C5: variants seen among roughly 807,000 people sequenced by gnomAD.
The protein encoded by C5 is complement C5.
A neutral mutation model predicts 218.8 loss-of-function variants in C5; 140 were observed. The ratio of observed to expected loss-of-function variants is 0.64; its 90% confidence interval spans 0.56 to 0.74. C5 has a LOEUF of 0.74. Among genes scored for constraint, C5 ranks in the 30% least tolerant of loss-of-function variants. The pLI is 0.00. For synonymous variants in C5, 614 were observed against 682.3 expected (o/e 0.90, Z 1.56); for missense variants, 1,700 against 1,969.6 (o/e 0.86, Z 2.59).
chr9:121,018,796 A>G (rs1220450828), intron 12 of C5, among the ~76,000 whole-genome samples: 1 of 150,074 alleles, frequency 6.7e-6, no homozygotes, highest in Non-Finnish European at 1.5e-5. Context: ...GAAGGAAGGA[A>G]GGAAGAAAGA....
intron 34 of C5, 82 bp downstream of exon 34, chr9:120,963,554 T>A: frequency 1.9e-6 from 2 of 1,060,348 alleles, no homozygotes; most frequent in Non-Finnish European, 2.9e-6. Context: ...TATATTCAAA[T>A]GAAAGAAAGT....
At position 121,041,570 on chromosome 9, in the gene C5, TG is replaced by T. The variant is rs543161919; in HGVS notation, c.421+1433del. Among the ~76,000 whole-genome samples, 122 of 152,194 alleles carry T rather than the reference TG, an allele frequency of 8.0e-4. No homozygotes were observed. The Middle Eastern group carries it at 0.014, about 17-fold the overall frequency. ...CCCCCACCTCGGACTCCCAAAATGC[TG>T]GGATTACAGGCATGAGACATGAAGC... On this transcript the variant is annotated intron_variant, in intron 3 of 40. Transcript: ENST00000223642.
In C5 at chr9:121,050,133, C is replaced by T. The variant is rs371724675; in HGVS notation, c.65+49G>A. 3.0e-5 allele frequency: 41 copies of T among 1,388,112 alleles called. No homozygotes were observed. In the East Asian group the frequency reaches 3.7e-4, roughly 12 times the overall value. The allele number at this position is 1,388,112 out of a possible 1,614,324, so 86.0% of individuals were successfully genotyped here. On this transcript the variant is annotated intron_variant, in intron 1 of 40. Transcript: ENST00000223642. ...AATCTGTTAAATTTAACTCTTCATT[C>T]GTCATAACTAAGATGCATTGAAAAA...
intron 21 of C5, 72 bp downstream of exon 21, chr9:120,997,475 C>T: frequency 1.1e-5 from 12 of 1,112,928 alleles, no homozygotes; most frequent in Non-Finnish European, 1.6e-5. Context: ...ACTATTGTTT[C>T]TCTCCCCCCC....
At chr9:120,996,144 C>G in intron 22 of C5, 96 bp downstream of exon 22, 1 of 983,816 alleles carries the variant, frequency 1.0e-6, no homozygotes, top group Non-Finnish European at 1.6e-6. Context: ...TGATTTTAGA[C>G]AATTCACTTT....
rs570464777 is a variant in C5, at chr9:121,031,414, C to T, written c.667+699G>A. ...GTTTTGTCACTAATTGGTTTTAAGA[C>T]TCAAGTAAATCATTTATTGGTTTTA... On this transcript the variant is annotated intron_variant, in intron 6 of 40. Coordinates refer to ENST00000223642, the MANE Select transcript of C5 (RefSeq NM_001735.3). Among the ~76,000 whole-genome samples the T allele has an allele frequency of 3.1e-4, 47 of 152,236 alleles. 1 individual carries two copies. Among genetic ancestry groups the T allele is most frequent in the South Asian group, 6.2e-4 (3 of 4,826 alleles).
In C5 at chr9:121,046,815, T is replaced by C. The variant is rs542336758; in HGVS notation, c.66-432A>G. 2.6e-5 allele frequency among the ~76,000 whole-genome samples: 4 copies of C among 151,910 alleles called. No individual in the cohort carries two copies. In the South Asian group the frequency reaches 8.3e-4, roughly 32 times the overall value. ...TTTCTGAGGCTAAAATAACTTACTG[T>C]GAAAATAATCGCCTTCTTTACCAGG... On this transcript the variant is annotated intron_variant, in intron 1 of 40. Coordinates refer to ENST00000223642, the MANE Select transcript of C5 (RefSeq NM_001735.3).
At chr9:120,963,615 G>T (rs747285834) in intron 34 of C5, 21 bp downstream of exon 34, 4 of 1,524,482 alleles carry the variant, frequency 2.6e-6, no homozygotes, top group Middle Eastern at 1.7e-4. Context: ...TTCACAACAC[G>T]ATTTAAAAGA....
chr9:120,989,341 T>A (rs905671016), intron 24 of C5, among the ~76,000 whole-genome samples: 1 of 152,156 alleles, frequency 6.6e-6, no homozygotes, highest in African/African-American at 2.4e-5. Context: ...GAAGGAAGTG[T>A]TCTGTAGTTT....
chr9:121,047,031 G>C (rs566893457), intron 1 of C5, among the ~76,000 whole-genome samples: 2 of 152,244 alleles, frequency 1.3e-5, no homozygotes, highest in Admixed American at 1.3e-4. Context: ...TTTGGAAATG[G>C]AAATAGTGAT....
rs148636828 is a variant in C5, at chr9:120,963,712, G to A, written c.4247C>T (p.Ser1416Leu). The A allele has an allele frequency of 4.8e-5, 77 of 1,613,538 alleles. No individual in the cohort carries two copies. In the African/African-American group the frequency reaches 6.5e-4, roughly 14 times the overall value. Residue 1416 changes from serine to leucine, a missense_variant, in exon 34 of 41, where the codon TCA (serine) becomes TTA (leucine). Transcript: ENST00000223642. ...CATCACCGCATGAGAGGATCCAGATGATGATTCTTCCCTGCTGGGCTTGTA... is the reference window on the plus strand; with the variant it reads ...CATCACCGCATGAGAGGATCCAGATAATGATTCTTCCCTGCTGGGCTTGTA... The part of the protein sequence containing the change: ...ASYKPSREES[S>L]SGSSHAVMDI...
intron 16 of C5, among the ~76,000 whole-genome samples, chr9:121,014,367 T>C (rs533461763): frequency 1.3e-5 from 2 of 152,166 alleles, no homozygotes; most frequent in Admixed American, 1.3e-4. Flanking sequence ...TGCAGAAAAA[T>C]ATAGAAAAAG....
At chr9:121,003,108 T>G (rs577222855) in intron 20 of C5, among the ~76,000 whole-genome samples, 491 of 152,212 alleles carry the variant, frequency 3.2e-3, no homozygotes, top group African/African-American at 0.011. Flanking sequence ...CTGGACCACA[T>G]GGTGAAACCC....
chr9:121,037,489 T>C (rs1472191757), intron 4 of C5, among the ~76,000 whole-genome samples: 1 of 151,924 alleles, frequency 6.6e-6, no homozygotes, highest in Admixed American at 6.6e-5. Context: ...ATTTTTTGTA[T>C]TTTAGTAGAG....
intron 39 of C5, 66 bp downstream of exon 39, chr9:120,957,219 G>T: frequency 1.9e-6 from 2 of 1,062,280 alleles, no homozygotes; most frequent in Non-Finnish European, 2.9e-6. Context: ...TTAATATAAT[G>T]CCTGGCACAT....
chr9:121,025,157 C>T (rs2047408690), intron 9 of C5, among the ~76,000 whole-genome samples: 1 of 152,094 alleles, frequency 6.6e-6, no homozygotes, highest in South Asian at 2.1e-4. Context: ...ATGGTCAAGG[C>T]AGAGAGCCTG....
chr9:120,993,497 A>G (rs2047093279), intron 22 of C5, among the ~76,000 whole-genome samples: 1 of 152,170 alleles, frequency 6.6e-6, no homozygotes, highest in African/African-American at 2.4e-5. Context: ...ATCTTGGCTC[A>G]CTGCAAGCTC....
chr9:120,964,017 G>T (rs1382076828), intron 33 of C5, among the ~76,000 whole-genome samples: 1 of 152,214 alleles, frequency 6.6e-6, no homozygotes, highest in Non-Finnish European at 1.5e-5. Context: ...CAGGATGAGA[G>T]TAAGGCACTG....
In C5 at chr9:120,969,093, G is replaced by C; in HGVS notation, c.4188C>G (p.Asn1396Lys). Residue 1396 changes from asparagine to lysine, a missense_variant, in exon 33 of 41, where the codon AAC becomes AAG. Physicochemically the swap from Asn to Lys is moderately conservative, Grantham distance 94. Transcript: ENST00000223642. Reference sequence around the variant, plus strand: ...ATGCTACTATGCGTTTGTAATCAGAGTTTCCGTAGCCTCTGTAGTGGGATG... The same window carrying C: ...ATGCTACTATGCGTTTGTAATCAGACTTTCCGTAGCCTCTGTAGTGGGATG... ...IEASHYRGYGNSDYKRIVACA... is the reference protein window; with the variant it reads ...IEASHYRGYGKSDYKRIVACA... 1 of 1,614,054 alleles carries C rather than the reference G, an allele frequency of 6.2e-7. No homozygotes were observed.
Sources: gnomAD v4.1 joint callset for allele counts (sites outside exome capture counted in the v4.1 genomes callset) on GRCh38, gnomAD v4.1.1 for gene constraint, MANE v1.5 for transcripts, NCBI Gene and HGNC (gene_info 2026-07-23, HGNC 2026-07-21) for gene names.